Variants in ATAD1 observed in about 807,000 individuals in gnomAD.
The protein encoded by ATAD1 is outer mitochondrial transmembrane helix translocase.
ATAD1 carries 18 observed loss-of-function variants against 42.7 expected under a neutral mutation model. That is an observed-to-expected ratio of 0.42 (90% CI 0.29 to 0.63). The LOEUF is 0.63. Ranked by LOEUF, ATAD1 falls within the 20% of genes least tolerant of loss-of-function variation. The pLI, the probability that ATAD1 is intolerant of heterozygous loss-of-function variation, is 0.19. For synonymous variants in ATAD1, 132 were observed against 143.1 expected (o/e 0.92, Z 0.55); for missense variants, 294 against 440.4 (o/e 0.67, Z 2.98).
At chr10:87,814,640 A>T in intron 1 of ATAD1, 28 bp from the exon 2 acceptor site, 1 of 1,544,260 alleles carries the variant, frequency 6.5e-7, no homozygotes, top group Non-Finnish European at 8.7e-7. Flanking sequence ...AAATGTCACT[A>T]GGTAATAACT....
chr10:87,817,250 C>G (rs1269338813), intron 1 of ATAD1, among the ~76,000 whole-genome samples: 1 of 152,160 alleles, frequency 6.6e-6, no homozygotes, highest in African/African-American at 2.4e-5. Context: ...AGCAGCAATA[C>G]CATCACCAGC....
chr10:87,764,505 T>C (rs374877632), intron 8 of ATAD1, among the ~76,000 whole-genome samples: 80 of 152,192 alleles, frequency 5.3e-4, no homozygotes, highest in African/African-American at 1.8e-3. Flanking sequence ...CAACTAGGTA[T>C]CCATCTAGAA....
At chr10:87,802,321 G>C (rs971285977) in intron 2 of ATAD1, among the ~76,000 whole-genome samples, 1 of 152,114 alleles carries the variant, frequency 6.6e-6, no homozygotes, top group African/African-American at 2.4e-5. Flanking sequence ...CAGGGTTTCT[G>C]ACCTGTTGTT....
intron 1 of ATAD1, among the ~76,000 whole-genome samples, chr10:87,839,165 G>C (rs570617941): frequency 7.2e-5 from 11 of 152,254 alleles, no homozygotes; most frequent in Non-Finnish European, 1.3e-4. Flanking sequence ...CCATGTAGTT[G>C]TAACACTTCA....
At chr10:87,819,281 A>AAAAAAAAC (rs1857575473), upstream of ATAD1, 3 of 149,614 alleles carry the variant, frequency 2.0e-5, no homozygotes, top group African/African-American at 7.5e-5. Flanking sequence ...AAAAAAAAAA[A>AAAAAAAAC]AAAAAAAAAA....
At chr10:87,838,008 C>T (rs1857959795) in intron 1 of ATAD1, among the ~76,000 whole-genome samples, 1 of 152,184 alleles carries the variant, frequency 6.6e-6, no homozygotes, top group Non-Finnish European at 1.5e-5. Flanking sequence ...TAGAGGGCTT[C>T]TCCTGGGGCT....
chr10:87,798,843 G>A (rs1856543336), intron 2 of ATAD1, among the ~76,000 whole-genome samples: 1 of 151,960 alleles, frequency 6.6e-6, no homozygotes, highest in Admixed American at 6.6e-5. Context: ...CAACTGCCTA[G>A]GGTAGTGAAA....
intron 1 of ATAD1, among the ~76,000 whole-genome samples, chr10:87,815,783 T>C (rs558997891): frequency 1.3e-5 from 2 of 152,240 alleles, no homozygotes; most frequent in South Asian, 4.1e-4. Context: ...AAGTATTTCC[T>C]TTATACGTTT....
intron 4 of ATAD1, among the ~76,000 whole-genome samples, chr10:87,787,384 C>G (rs562176109): frequency 1.8e-4 from 28 of 152,270 alleles, no homozygotes; most frequent in Admixed American, 7.8e-4. Flanking sequence ...CTTTGGGATG[C>G]TGAGGCAGGA....
intron 2 of ATAD1, among the ~76,000 whole-genome samples, chr10:87,794,220 A>C (rs1856269080): frequency 6.6e-6 from 1 of 152,184 alleles, no homozygotes; most frequent in Non-Finnish European, 1.5e-5. Context: ...CTTGTCTCAT[A>C]AGAATTTTTA....
intron 8 of ATAD1, among the ~76,000 whole-genome samples, chr10:87,763,004 C>T (rs1266734660): frequency 7.1e-6 from 1 of 140,122 alleles, no homozygotes; most frequent in East Asian, 2.1e-4. Flanking sequence ...TCGCTTGAAC[C>T]CAGGAGGTGA....
chr10:87,841,197 C>T (rs1216418419), exon 1 of ATAD1: 5 of 152,136 alleles, frequency 3.3e-5, no homozygotes, highest in Admixed American at 6.6e-5. Flanking sequence ...CTTCTGACAA[C>T]TGTGAATGAA....
intron 9 of ATAD1, among the ~76,000 whole-genome samples, 174 bp downstream of exon 9, chr10:87,756,615 T>A (rs979329101): frequency 6.6e-6 from 1 of 152,308 alleles, no homozygotes; most frequent in African/African-American, 2.4e-5. Flanking sequence ...CCTCCTTCAT[T>A]TTCAGAATTC....
upstream of ATAD1, among the ~76,000 whole-genome samples, chr10:87,822,207 A>G (rs1857643917): frequency 6.6e-6 from 1 of 152,252 alleles, no homozygotes; most frequent in African/African-American, 2.4e-5. Context: ...TAATTATGCC[A>G]GTATAATTCA....
chr10:87,794,303 T>TA (rs1384762551), intron 2 of ATAD1, among the ~76,000 whole-genome samples: 2 of 152,202 alleles, frequency 1.3e-5, no homozygotes, highest in East Asian at 3.8e-4. Flanking sequence ...GTAAAGTCAC[T>TA]GAATCAATAG....
chr10:87,818,869 T>G (rs1857556038), upstream of ATAD1: 1 of 152,240 alleles, frequency 6.6e-6, no homozygotes, highest in Non-Finnish European at 1.5e-5. Context: ...TTTTGGTGAT[T>G]TCCCTTTTTC....
chr10:87,791,576 T>C (rs908031680), intron 3 of ATAD1, among the ~76,000 whole-genome samples: 1 of 152,160 alleles, frequency 6.6e-6, no homozygotes, highest in Non-Finnish European at 1.5e-5. Context: ...ATAAACCAAA[T>C]TCAAATGCAG....
chr10:87,776,035 A>C (rs373589807), intron 6 of ATAD1, among the ~76,000 whole-genome samples: 1 of 152,254 alleles, frequency 6.6e-6, no homozygotes, highest in East Asian at 1.9e-4. Context: ...TCTCCTTAGC[A>C]CTGTAGGTTC....
intron 9 of ATAD1, among the ~76,000 whole-genome samples, 190 bp from the exon 10 acceptor site, chr10:87,754,997 T>C (rs1036365212): frequency 6.6e-6 from 1 of 151,896 alleles, no homozygotes; most frequent in Non-Finnish European, 1.5e-5. Flanking sequence ...AACAGCTTCA[T>C]GTAAATGCTT....
Sources: gnomAD v4.1 joint callset for allele counts (sites outside exome capture counted in the v4.1 genomes callset) on GRCh38, gnomAD v4.1.1 for gene constraint, MANE v1.5 for transcripts, NCBI Gene and HGNC (gene_info 2026-07-23, HGNC 2026-07-21) for gene names.